The following TRAPPC12 variants were observed in gnomAD, a reference collection of about 807,000 sequenced individuals.
The protein encoded by TRAPPC12 is TPR repeat protein 15.
In TRAPPC12, 61 loss-of-function variants were observed where a neutral mutation model predicts 69.2. That is an observed-to-expected ratio of 0.88 (90% CI 0.72 to 1.09). The LOEUF (loss-of-function observed/expected upper bound fraction) is 1.09, where lower values mean the gene tolerates loss of function less well. Among genes scored for constraint, TRAPPC12 ranks in the 50% least tolerant of loss-of-function variants. The pLI is 0.00. For synonymous variants in TRAPPC12, 469 were observed against 438.9 expected (o/e 1.07, Z -0.86); for missense variants, 1,101 against 1,016.4 (o/e 1.08, Z -1.13).
chr2:3,462,434 T>G (rs1023706640), intron 8 of TRAPPC12, among the ~76,000 whole-genome samples: 4 of 151,528 alleles, frequency 2.6e-5, no homozygotes, highest in Non-Finnish European at 5.9e-5. Flanking sequence ...TGCCATCTAG[T>G]GAGCATACAG....
At chr2:3,381,642 C>G (rs912292094) in intron 1 of TRAPPC12, among the ~76,000 whole-genome samples, 13 of 152,136 alleles carry the variant, frequency 8.5e-5, no homozygotes, top group Non-Finnish European at 1.6e-4. Flanking sequence ...TGTGTTTTTC[C>G]ATTTTTAATT....
intron 4 of TRAPPC12, 63 bp from the exon 5 acceptor site, chr2:3,424,462 A>G: frequency 1.3e-6 from 2 of 1,492,682 alleles, no homozygotes; most frequent in Non-Finnish European, 9.1e-7. Flanking sequence ...CTCATAAGGA[A>G]TAGCAAATTC....
Position 3,423,671 on chromosome 2 carries a change from T to C in TRAPPC12, c.1279-854T>C, listed in dbSNP as rs966383309. 3.9e-5 allele frequency among the ~76,000 whole-genome samples: 6 copies of C among 152,202 alleles called. No individual in the cohort carries two copies. In the South Asian group the frequency reaches 6.2e-4, roughly 16 times the overall value. On this transcript the variant is annotated intron_variant, in intron 4 of 11. Coordinates refer to ENST00000324266, the MANE Select transcript of TRAPPC12 (RefSeq NM_016030.6). The stretch of plus-strand genomic sequence containing the variant: ...TCATCCACAGCACAAACGACGGGAT[T>C]TCCTCCATGAAAGCTGAGTGGTATT...
In TRAPPC12 at chr2:3,458,051, TGC is replaced by T. The variant is rs1269412727; in HGVS notation, c.1603+360_1603+361del. ...CCTCTGCGTCGGGGAGAGAGGCCTC[TGC>T]GTCGGGGACAGAGGCCTCTGCGTCG... On this transcript the variant is annotated intron_variant, in intron 7 of 11. Transcript: ENST00000324266. 124 of 363,694 alleles carry T rather than the reference TGC, an allele frequency of 3.4e-4. 1 individual carries two copies. The African/African-American group carries it at 0.07, about 206-fold the overall frequency. The allele number at this position is 363,694 out of a possible 1,614,324, so 22.5% of individuals were successfully genotyped here.
chr2:3,465,810 C>T (rs1665782044), intron 9 of TRAPPC12, 115 bp downstream of exon 9: 1 of 769,508 alleles, frequency 1.3e-6, no homozygotes, highest in Non-Finnish European at 2.3e-6. Context: ...GAAAATATTC[C>T]AATTCAAATG....
chr2:3,448,799 A>G (rs1353230639), intron 6 of TRAPPC12, among the ~76,000 whole-genome samples: 1 of 152,230 alleles, frequency 6.6e-6, no homozygotes, highest in Non-Finnish European at 1.5e-5. Flanking sequence ...TGCCGGGAGC[A>G]CAATCCGGGC....
At chr2:3,396,366 C>A (rs532941765) in intron 2 of TRAPPC12, among the ~76,000 whole-genome samples, 2 of 152,010 alleles carry the variant, frequency 1.3e-5, no homozygotes, top group African/African-American at 4.8e-5. Context: ...TATATTTTTC[C>A]TCTGGGTGCT....
At chr2:3,385,854 C>A (rs1254549596) in intron 1 of TRAPPC12, among the ~76,000 whole-genome samples, 1 of 152,236 alleles carries the variant, frequency 6.6e-6, no homozygotes, top group Non-Finnish European at 1.5e-5. Context: ...TCCTTGTGCC[C>A]GGCCTCTATC....
In TRAPPC12 at chr2:3,411,261, T is replaced by C. The variant is rs559090656; in HGVS notation, c.1164+9368T>C. Among the ~76,000 whole-genome samples the C allele has an allele frequency of 4.6e-5, 7 of 152,334 alleles. No homozygotes were observed. The East Asian group carries it at 1.3e-3, about 29-fold the overall frequency. ...AACCAGCCTGAATTTGGTTCCTGCA[T>C]GTCAAGCACTGTTCTAGGTACAGAG... On this transcript the variant is annotated intron_variant, in intron 3 of 11. Coordinates refer to ENST00000324266, the MANE Select transcript of TRAPPC12 (RefSeq NM_016030.6).
intron 1 of TRAPPC12, among the ~76,000 whole-genome samples, chr2:3,380,502 G>C (rs1056837791): frequency 6.6e-6 from 1 of 152,170 alleles, no homozygotes; most frequent in Non-Finnish European, 1.5e-5. Context: ...TCTTCACTAC[G>C]AAACAGTGTA....
At chr2:3,451,472 G>T (rs535988899) in intron 6 of TRAPPC12, among the ~76,000 whole-genome samples, 1 of 152,296 alleles carries the variant, frequency 6.6e-6, no homozygotes, top group African/African-American at 2.4e-5. Flanking sequence ...TTTCAGAGAT[G>T]AGCTCATGCT....
chr2:3,405,617 C>G (rs1661689427), intron 3 of TRAPPC12, among the ~76,000 whole-genome samples: 1 of 152,182 alleles, frequency 6.6e-6, no homozygotes, highest in Non-Finnish European at 1.5e-5. Context: ...CATATTAAGC[C>G]TCTTCTCTTT....
chr2:3,403,688 T>C (rs1177790394), intron 3 of TRAPPC12, among the ~76,000 whole-genome samples: 2 of 152,250 alleles, frequency 1.3e-5, no homozygotes, highest in Non-Finnish European at 2.9e-5. Context: ...AAAGTTTATT[T>C]TGGAGTAGCG....
chr2:3,431,758 C>G (rs1009617915), intron 5 of TRAPPC12, among the ~76,000 whole-genome samples: 4 of 152,192 alleles, frequency 2.6e-5, no homozygotes, highest in African/African-American at 7.2e-5. Context: ...ACATTTGTTA[C>G]AATTGATGAA....
chr2:3,457,235 T>C, intron 6 of TRAPPC12: 3 of 441,980 alleles, frequency 6.8e-6, no homozygotes, highest in Non-Finnish European at 8.9e-6. Context: ...CACATGTAAG[T>C]AGAAGCTAAA....
chr2:3,391,203 TACTG>T (rs1308865087), intron 2 of TRAPPC12, among the ~76,000 whole-genome samples: 1 of 152,194 alleles, frequency 6.6e-6, no homozygotes, highest in Admixed American at 6.5e-5. Context: ...ACCTCCCAGT[TACTG>T]GCCTCAGATC....
intron 1 of TRAPPC12, among the ~76,000 whole-genome samples, chr2:3,381,677 C>A (rs1660217443): frequency 6.6e-6 from 1 of 152,178 alleles, no homozygotes; most frequent in African/African-American, 2.4e-5. Flanking sequence ...CTACCCGTAA[C>A]ACACATGTGA....
At chr2:3,437,225 C>T (rs573735631) in intron 5 of TRAPPC12, among the ~76,000 whole-genome samples, 11 of 29,400 alleles carry the variant, frequency 3.7e-4, no homozygotes, top group African/African-American at 1.3e-3. Flanking sequence ...ATCCCCCCAT[C>T]ACCCCTGGAT....
chr2:3,411,228 A>G (rs540838258), intron 3 of TRAPPC12, among the ~76,000 whole-genome samples: 1 of 152,284 alleles, frequency 6.6e-6, no homozygotes, highest in Admixed American at 6.5e-5. Context: ...AAAATGCTGT[A>G]TTATTTCAAC....
Sources: gnomAD v4.1 joint callset for allele counts (sites outside exome capture counted in the v4.1 genomes callset) on GRCh38, gnomAD v4.1.1 for gene constraint, MANE v1.5 for transcripts, NCBI Gene and HGNC (gene_info 2026-07-23, HGNC 2026-07-21) for gene names.